The following NFIA variants were observed in gnomAD, a reference collection of about 807,000 sequenced individuals.
NFIA encodes nuclear factor I A.
In NFIA, 8 loss-of-function variants were observed where a neutral mutation model predicts 62.8. The ratio of observed to expected loss-of-function variants is 0.13; its 90% confidence interval spans 0.07 to 0.23. The LOEUF (loss-of-function observed/expected upper bound fraction) is 0.23. Ranked by LOEUF, NFIA falls within the 10% of genes least tolerant of loss-of-function variation. The pLI, the probability that NFIA is intolerant of heterozygous loss-of-function variation, is 1.00. For synonymous variants in NFIA, 235 were observed against 238.1 expected (o/e 0.99, Z 0.12); for missense variants, 410 against 642.1 (o/e 0.64, Z 3.91).
chr1:61,211,412 T>C (rs981179228), intron 2 of NFIA, among the ~76,000 whole-genome samples: 5 of 152,148 alleles, frequency 3.3e-5, no homozygotes, highest in Admixed American at 6.5e-5. Context: ...AATATTTAAG[T>C]AGTAATGATG....
At chr1:61,114,539 A>T (rs1280670896) in intron 2 of NFIA, among the ~76,000 whole-genome samples, 1 of 152,102 alleles carries the variant, frequency 6.6e-6, no homozygotes, top group South Asian at 2.1e-4. Context: ...GAGGAAAATT[A>T]TTTCCAGATT....
At position 61,213,858 on chromosome 1, in the gene NFIA, C is replaced by T. The variant is rs562247657; in HGVS notation, c.560-63662C>T. Among the ~76,000 whole-genome samples the T allele has an allele frequency of 6.6e-5, 10 of 152,294 alleles. 1 individual carries two copies. The highest frequency in any genetic ancestry group is 1.9e-4 in the African/African-American group (8 of 41,566). ...ATGCCCGCCACCACCCTACACTCCC[C>T]GACCTCACCCACCAGTCAGACAGTT... On this transcript the variant is annotated intron_variant, in intron 2 of 10. Transcript: ENST00000403491.
intron 6 of NFIA, 60 bp downstream of exon 6, chr1:61,359,334 G>T (rs1663158358): frequency 3.7e-6 from 6 of 1,607,934 alleles, no homozygotes; most frequent in Non-Finnish European, 5.1e-6. Context: ...ATACGTGTGG[G>T]GTCCCATGCC....
chr1:61,291,784 G>A (rs1174604420), intron 3 of NFIA, among the ~76,000 whole-genome samples: 1 of 152,184 alleles, frequency 6.6e-6, no homozygotes, highest in Non-Finnish European at 1.5e-5. Context: ...CCCAGGGAAA[G>A]TATAGACTTG....
chr1:61,146,054 C>T (rs765043415), intron 2 of NFIA, among the ~76,000 whole-genome samples: 8 of 152,110 alleles, frequency 5.3e-5, no homozygotes, highest in Admixed American at 1.3e-4. Flanking sequence ...GAAGGTGTTC[C>T]GAGGACTGGT....
At chr1:61,430,310 A>G (rs548819072) in intron 10 of NFIA, among the ~76,000 whole-genome samples, 2 of 152,342 alleles carry the variant, frequency 1.3e-5, no homozygotes, top group South Asian at 4.1e-4. Flanking sequence ...CTTTAAAAAT[A>G]TGACTTTTTC....
chr1:61,082,073 G>T (rs763347407), upstream of NFIA: 11 of 1,534,494 alleles, frequency 7.2e-6, no homozygotes, highest in South Asian at 1.2e-4. Context: ...CAGCGGGGGT[G>T]GGGGGATGGG....
intron 10 of NFIA, among the ~76,000 whole-genome samples, chr1:61,438,928 G>C (rs1012804330): frequency 6.6e-6 from 1 of 150,922 alleles, no homozygotes; most frequent in African/African-American, 2.4e-5. Flanking sequence ...GGTGCATATG[G>C]TATTACTTAG....
rs1229667257 is a variant in NFIA, at chr1:61,273,044, T to C, written c.560-4476T>C. 3.9e-5 allele frequency among the ~76,000 whole-genome samples: 6 copies of C among 152,212 alleles called. No individual in the cohort carries two copies. The East Asian group carries it at 1.2e-3, about 29-fold the overall frequency. On this transcript the variant is annotated intron_variant, in intron 2 of 10. Coordinates refer to ENST00000403491, the MANE Select transcript of NFIA (RefSeq NM_001134673.4). Reference sequence around the variant, plus strand: ...GGAACCAGAATTTGTGCTTTTATGGTCCATAGACTTTGGTTGCTATCGTGT... The same window carrying C: ...GGAACCAGAATTTGTGCTTTTATGGCCCATAGACTTTGGTTGCTATCGTGT...
intron 2 of NFIA, among the ~76,000 whole-genome samples, chr1:61,260,217 A>G (rs748358786): frequency 6.6e-6 from 1 of 152,144 alleles, no homozygotes; most frequent in Non-Finnish European, 1.5e-5. Flanking sequence ...CATGACACCT[A>G]TTTTCCATGC....
chr1:61,387,055 A>C (rs1664726896), intron 7 of NFIA, among the ~76,000 whole-genome samples: 1 of 152,140 alleles, frequency 6.6e-6, no homozygotes, highest in South Asian at 2.1e-4. Context: ...CACCTCCCAA[A>C]GGCCCTGCTA....
At chr1:61,213,531 G>A (rs1336708449) in intron 2 of NFIA, among the ~76,000 whole-genome samples, 2 of 152,162 alleles carry the variant, frequency 1.3e-5, no homozygotes, top group African/African-American at 2.4e-5. Flanking sequence ...GCACATGGAC[G>A]TGGTTTCCCA....
chr1:61,329,571 C>T (rs962497885), intron 3 of NFIA, among the ~76,000 whole-genome samples: 4 of 151,132 alleles, frequency 2.6e-5, no homozygotes, highest in East Asian at 2.0e-4. Flanking sequence ...TCAGTAGAGA[C>T]GGGTTTCACT....
At chr1:61,346,971 G>A (rs982112953) in intron 4 of NFIA, among the ~76,000 whole-genome samples, 2 of 151,966 alleles carry the variant, frequency 1.3e-5, no homozygotes, top group African/African-American at 2.4e-5. Context: ...TCACTATCAC[G>A]AGAACAGCAT....
At chr1:61,102,864 A>G (rs970450505) in intron 2 of NFIA, among the ~76,000 whole-genome samples, 3 of 152,142 alleles carry the variant, frequency 2.0e-5, no homozygotes, top group Non-Finnish European at 4.4e-5. Flanking sequence ...GTAAATTCTA[A>G]CGCATCAGCC....
chr1:61,389,520 A>G (rs1384574132), intron 7 of NFIA, among the ~76,000 whole-genome samples: 1 of 152,214 alleles, frequency 6.6e-6, no homozygotes, highest in South Asian at 2.1e-4. Context: ...ATTTTTACAG[A>G]TGAGAAATCT....
At chr1:61,286,027 T>G (rs768548651) in intron 3 of NFIA, among the ~76,000 whole-genome samples, 3 of 152,146 alleles carry the variant, frequency 2.0e-5, no homozygotes, top group Non-Finnish European at 4.4e-5. Context: ...AGACTTGCCA[T>G]TAAAAGCCTG....
At chr1:61,382,016 T>A (rs1464502097) in intron 6 of NFIA, among the ~76,000 whole-genome samples, 1 of 152,178 alleles carries the variant, frequency 6.6e-6, no homozygotes, top group Non-Finnish European at 1.5e-5. Flanking sequence ...CAAATAATTC[T>A]CTGGTCATGG....
intron 2 of NFIA, among the ~76,000 whole-genome samples, chr1:61,204,056 A>C (rs1652722531): frequency 6.6e-6 from 1 of 152,188 alleles, no homozygotes; most frequent in Non-Finnish European, 1.5e-5. Flanking sequence ...CGTTTCTGTA[A>C]ATTCCGTGGG....
Sources: gnomAD v4.1 joint callset for allele counts (sites outside exome capture counted in the v4.1 genomes callset) on GRCh38, gnomAD v4.1.1 for gene constraint, MANE v1.5 for transcripts, NCBI Gene and HGNC (gene_info 2026-07-23, HGNC 2026-07-21) for gene names.